TRIM24: variants seen among roughly 807,000 people sequenced by gnomAD.
The protein encoded by TRIM24 is tripartite motif containing 24.
TRIM24 carries 29 observed loss-of-function variants against 123.9 expected under a neutral mutation model. The ratio of observed to expected loss-of-function variants is 0.23; its 90% CI spans 0.17 to 0.32. TRIM24 has a LOEUF of 0.32. Ranked by LOEUF, TRIM24 falls within the 10% of genes least tolerant of loss-of-function variation. TRIM24 has a pLI of 1.00. For synonymous variants in TRIM24, 456 were observed against 461.1 expected (o/e 0.99, Z 0.14); for missense variants, 932 against 1,295.3 (o/e 0.72, Z 4.31).
intron 3 of TRIM24, among the ~76,000 whole-genome samples, chr7:138,516,394 C>G (rs753391788): frequency 1.7e-4 from 26 of 152,192 alleles, no homozygotes; most frequent in Non-Finnish European, 3.1e-4. Context: ...GTGAGTCTTG[C>G]TTTGTCACCC....
chr7:138,574,468 A>G (rs1797716829), intron 12 of TRIM24, among the ~76,000 whole-genome samples: 1 of 152,244 alleles, frequency 6.6e-6, no homozygotes, highest in Admixed American at 6.5e-5. Context: ...TCATATGACA[A>G]GTTTATACAA....
chr7:138,515,132 G>C, intron 2 of TRIM24, 80 bp from the exon 3 acceptor site: 1 of 1,393,872 alleles, frequency 7.2e-7, no homozygotes, highest in Admixed American at 2.1e-5. Context: ...GGTACAATTG[G>C]TGTATCATGT....
chr7:138,515,368 T>C lies in TRIM24; in HGVS notation c.631+9T>C. 6.2e-7 allele frequency: 1 copy of C among 1,611,688 alleles called. No individual in the cohort carries two copies. On this transcript the variant is annotated intron_variant, in intron 3 of 18. Coordinates refer to ENST00000343526, the MANE Select transcript of TRIM24 (RefSeq NM_015905.3). ...AGAGGAAGTATCTCCAGGTAATAAA[T>C]GAGATCTTTGCATTTTTTTCCTTCT...
At chr7:138,533,510 AT>A (rs1796794472) in intron 6 of TRIM24, among the ~76,000 whole-genome samples, 1 of 152,186 alleles carries the variant, frequency 6.6e-6, no homozygotes. Flanking sequence ...TATATGCTGG[AT>A]TACATTTATT....
chr7:138,465,888 T>G (rs1036973357), intron 1 of TRIM24, among the ~76,000 whole-genome samples: 3 of 152,248 alleles, frequency 2.0e-5, no homozygotes, highest in Admixed American at 6.5e-5. Context: ...TTGGAATTTC[T>G]TGTTTTTATG....
At chr7:138,486,095 G>C (rs910867481) in intron 1 of TRIM24, among the ~76,000 whole-genome samples, 1 of 152,224 alleles carries the variant, frequency 6.6e-6, no homozygotes, top group African/African-American at 2.4e-5. Flanking sequence ...GACCAGTGAT[G>C]ATGAGCATTT....
intron 7 of TRIM24, among the ~76,000 whole-genome samples, chr7:138,542,021 T>C (rs756442846): frequency 1.3e-5 from 2 of 152,244 alleles, no homozygotes; most frequent in Non-Finnish European, 2.9e-5. Context: ...TTTCTCTGAA[T>C]TAGATCTTGG....
In TRIM24 at chr7:138,562,293, C is replaced by T. The variant is rs545685541; in HGVS notation, c.1531-5188C>T. On this transcript the variant is annotated intron_variant, in intron 9 of 18. Transcript: ENST00000343526. ...GGTGAACTGCGACTCGCCCCATTTGCGACTCTCAAAATGGGCTAATTGGTG... is the reference window on the plus strand; with the variant it reads ...GGTGAACTGCGACTCGCCCCATTTGTGACTCTCAAAATGGGCTAATTGGTG... 2.0e-3 allele frequency among the ~76,000 whole-genome samples: 297 copies of T among 152,158 alleles called. 2 individuals are homozygous for T. Among genetic ancestry groups the T allele is most frequent in the South Asian group, 0.01 (50 of 4,814 alleles).
chr7:138,562,455 C>T (rs571248236), intron 9 of TRIM24, among the ~76,000 whole-genome samples: 2 of 152,270 alleles, frequency 1.3e-5, no homozygotes, highest in Admixed American at 1.3e-4. Flanking sequence ...TCACAGCACA[C>T]AAGTCCTGCA....
In TRIM24 at chr7:138,551,173, C is replaced by T. The variant is rs149686202; in HGVS notation, c.1254C>T (p.Ile418=). 506 of 1,611,698 alleles carry T rather than the reference C, an allele frequency of 3.1e-4. No homozygotes were observed. The highest frequency in any genetic ancestry group is 4.1e-4 in the Non-Finnish European group (478 of 1,177,976). ...CDPSFWAQNI[I]NLGSLVIEDK... ...CTAGTTTCTGGGCTCAAAATATCAT[C>T]AACTTAGGTGGGCCATTACCATTAC... The change falls in exon 8 of 19, where the codon ATC becomes ATT. Residue 418 remains isoleucine (I), a synonymous_variant. Transcript: ENST00000343526.
Position 138,585,752 on chromosome 7 carries a change from G to A in TRIM24, c.*801G>A, listed in dbSNP as rs562102301. ...CTGTGTGTCTATGTGAGGTTTAATT[G>A]TACAGGTGATCCTTTTACAACAAGC... On this transcript the variant is annotated 3_prime_UTR_variant, in exon 19 of 19. Transcript: ENST00000343526. The A allele has an allele frequency of 5.8e-6, 3 of 517,196 alleles. No homozygotes were observed. The highest frequency in any genetic ancestry group is 4.3e-5 in the South Asian group (3 of 69,940). The allele number at this position is 517,196 out of a possible 1,614,324, so 32.0% of individuals were successfully genotyped here.
At chr7:138,461,005 C>T in intron 1 of TRIM24, 93 bp downstream of exon 1, 1 of 1,192,132 alleles carries the variant, frequency 8.4e-7, no homozygotes, top group Non-Finnish European at 1.1e-6. Flanking sequence ...CATGTCGCCG[C>T]CGCCCGGGGT....
At chr7:138,529,678 T>C (rs1478229152) in intron 6 of TRIM24, among the ~76,000 whole-genome samples, 1 of 152,206 alleles carries the variant, frequency 6.6e-6, no homozygotes, top group African/African-American at 2.4e-5. Flanking sequence ...TTTGTAATTG[T>C]AATTGCGAGA....
intron 2 of TRIM24, 78 bp from the exon 3 acceptor site, chr7:138,515,134 G>A (rs1796369361): frequency 1.4e-5 from 20 of 1,410,218 alleles, no homozygotes; most frequent in Non-Finnish European, 1.9e-5. Context: ...TACAATTGGT[G>A]TATCATGTAC....
intron 5 of TRIM24, among the ~76,000 whole-genome samples, chr7:138,526,353 T>C: frequency 6.6e-6 from 1 of 152,232 alleles, no homozygotes; most frequent in East Asian, 1.9e-4. Flanking sequence ...GCATCATTCT[T>C]ATATCTGTTT....
Position 138,585,679 on chromosome 7 carries a change from T to C in TRIM24, c.*728T>C. On this transcript the variant is annotated 3_prime_UTR_variant, in exon 19 of 19. Transcript: ENST00000343526. ...GCCATTTTTTATACATTTCTAGATC[T>C]AGATTTTCAACTTCTTCCACTGAGG... 1 of 387,294 alleles carries C rather than the reference T, an allele frequency of 2.6e-6. No homozygotes were observed. Among genetic ancestry groups the C allele is most frequent in the Non-Finnish European group, 5.0e-6 (1 of 201,170 alleles). The allele number at this position is 387,294 out of a possible 1,614,324, so 24.0% of individuals were successfully genotyped here.
At chr7:138,490,333 C>A (rs905465229) in intron 1 of TRIM24, among the ~76,000 whole-genome samples, 1 of 152,144 alleles carries the variant, frequency 6.6e-6, no homozygotes, top group African/African-American at 2.4e-5. Flanking sequence ...TTATTACCAA[C>A]CTTCTGATGC....
At chr7:138,482,359 C>T (rs1795547697) in intron 1 of TRIM24, among the ~76,000 whole-genome samples, 1 of 152,130 alleles carries the variant, frequency 6.6e-6, no homozygotes, top group Admixed American at 6.5e-5. Context: ...TGAATTATCA[C>T]ATAAGAATCC....
At chr7:138,461,704 CA>C (rs1388513155) in intron 1 of TRIM24, among the ~76,000 whole-genome samples, 1 of 152,164 alleles carries the variant, frequency 6.6e-6, no homozygotes, top group Non-Finnish European at 1.5e-5. Context: ...AGGTTTGAAA[CA>C]TTTAAAGTAA....
Sources: gnomAD v4.1 joint callset for allele counts (sites outside exome capture counted in the v4.1 genomes callset) on GRCh38, gnomAD v4.1.1 for gene constraint, MANE v1.5 for transcripts, NCBI Gene and HGNC (gene_info 2026-07-23, HGNC 2026-07-21) for gene names.